Variants in TLR2 observed in about 807,000 individuals in gnomAD.
TLR2 encodes toll-like receptor 2.
A neutral mutation model predicts 9.1 loss-of-function variants in TLR2; 7 were observed. The observed-to-expected ratio is 0.77, with a 90% CI of 0.44 to 1.44. TLR2 has a LOEUF of 1.44. Among genes scored for constraint, TLR2 ranks in the 40% most tolerant of loss-of-function variants. The pLI, the probability that TLR2 is intolerant of heterozygous loss-of-function variation, is 0.01. For synonymous variants in TLR2, 317 were observed against 344.6 expected (o/e 0.92, Z 0.89); for missense variants, 812 against 904.6 (o/e 0.90, Z 1.31).
chr4:153,700,761 T>C (rs1560746824), intron 2 of TLR2, among the ~76,000 whole-genome samples: 1 of 152,214 alleles, frequency 6.6e-6, no homozygotes, highest in Non-Finnish European at 1.5e-5. Flanking sequence ...ATATTATACA[T>C]TTAATATAGT....
At chr4:153,695,735 C>T (rs982074414) in intron 2 of TLR2, among the ~76,000 whole-genome samples, 12 of 152,268 alleles carry the variant, frequency 7.9e-5, no homozygotes, top group African/African-American at 2.9e-4. Context: ...TGGGGTATGA[C>T]TTAAGAAATC....
intron 2 of TLR2, among the ~76,000 whole-genome samples, chr4:153,695,938 C>G (rs992395027): frequency 3.3e-5 from 5 of 152,136 alleles, no homozygotes; most frequent in Non-Finnish European, 7.4e-5. Flanking sequence ...ACTGTCCTTT[C>G]TGCAATGTAT....
At chr4:153,684,521 G>T (rs1735535834) in intron 1 of TLR2, among the ~76,000 whole-genome samples, 161 bp downstream of exon 1, 3 of 152,242 alleles carry the variant, frequency 2.0e-5, no homozygotes, top group Admixed American at 2.0e-4. Flanking sequence ...GGCGGGGATA[G>T]CGGGAAGCGC....
intron 1 of TLR2, among the ~76,000 whole-genome samples, chr4:153,686,371 TA>T (rs1209969555): frequency 1.1e-4 from 17 of 152,208 alleles, no homozygotes; most frequent in Admixed American, 1.1e-3. Context: ...GTAATTATAT[TA>T]AATGCAATTT....
chr4:153,704,275 C>A lies in TLR2; in HGVS notation c.1368C>A (p.Pro456=), dbSNP rs751701671. 73 of 1,613,954 alleles carry A rather than the reference C, an allele frequency of 4.5e-5. 1 individual carries two copies. In the South Asian group the frequency reaches 7.9e-4, roughly 17 times the overall value. ...TRIHSVTGCI[P]KTLEILDVSN... ...TACACAGTGTAACAGGCTGCATTCC[C>A]AAGACACTGGAAATTTTAGATGTTA... The change falls in exon 3 of 3, where the codon CCC becomes CCA. Residue 456 remains proline, a synonymous_variant. Coordinates refer to ENST00000642700, the MANE Select transcript of TLR2 (RefSeq NM_001318789.2).
chr4:153,705,423 T>C lies in TLR2; in HGVS notation c.*161T>C. ...AAACTTCAAATTTTGTCTGGGGTGC[T>C]GTTTTATAAACATATGCCAGATTTA... On this transcript the variant is annotated 3_prime_UTR_variant, in exon 3 of 3. Coordinates refer to ENST00000642700, the MANE Select transcript of TLR2 (RefSeq NM_001318789.2). The C allele has an allele frequency of 2.6e-6, 2 of 778,944 alleles. No homozygotes were observed. The highest frequency in any genetic ancestry group is 3.8e-6 in the Non-Finnish European group (2 of 521,000). 48.3% of individuals were successfully genotyped at this position (778,944 alleles called of 1,614,324 possible).
intron 2 of TLR2, among the ~76,000 whole-genome samples, chr4:153,692,298 T>G (rs921216717): frequency 6.6e-6 from 1 of 152,226 alleles, no homozygotes; most frequent in African/African-American, 2.4e-5. Context: ...TAATGGCTCT[T>G]AAGTCAGTTA....
intron 2 of TLR2, among the ~76,000 whole-genome samples, chr4:153,693,911 G>C (rs1378478205): frequency 6.6e-6 from 1 of 152,140 alleles, no homozygotes; most frequent in South Asian, 2.1e-4. Flanking sequence ...CCCACGTTGG[G>C]CGCCACTTGC....
Position 153,702,939 on chromosome 4 carries a change from T to TG in TLR2, c.37dup (p.Val13GlyfsTer19). ...CATACTTTGTGGATGGTGTGGGTCT[T>TG]GGGGGTCATCATCAGCCTCTCCAAG... On this transcript the variant is annotated frameshift_variant, in exon 3 of 3. Transcript: ENST00000642700. LOFTEE classifies it low-confidence loss of function (END_TRUNC). 1 of 1,602,202 alleles carries TG rather than the reference T, an allele frequency of 6.2e-7. No individual in the cohort carries two copies. Among genetic ancestry groups the TG allele is most frequent in the Non-Finnish European group, 8.5e-7 (1 of 1,174,016 alleles).
intron 2 of TLR2, among the ~76,000 whole-genome samples, chr4:153,693,485 G>A (rs1259207528): frequency 6.6e-6 from 1 of 152,152 alleles, no homozygotes; most frequent in Non-Finnish European, 1.5e-5. Flanking sequence ...ATAGAACTGA[G>A]AGTGGTCGCT....
chr4:153,710,517 A>G (rs773426272), downstream of TLR2: 15 of 1,602,400 alleles, frequency 9.4e-6, no homozygotes, highest in South Asian at 1.5e-4. Flanking sequence ...AGGTTGTTCT[A>G]TATACAGCCA....
intron 1 of TLR2, among the ~76,000 whole-genome samples, chr4:153,686,034 G>A (rs763501991): frequency 9.9e-5 from 15 of 152,218 alleles, no homozygotes; most frequent in Non-Finnish European, 1.9e-4. Flanking sequence ...GAGAGAGCAA[G>A]AGAGGACAGA....
At chr4:153,694,598 A>T (rs752218357) in intron 2 of TLR2, among the ~76,000 whole-genome samples, 1 of 152,202 alleles carries the variant, frequency 6.6e-6, no homozygotes, top group Admixed American at 6.5e-5. Context: ...AGATATTTTG[A>T]TACAGGCATA....
intron 2 of TLR2, among the ~76,000 whole-genome samples, chr4:153,698,467 A>C (rs1472189040): frequency 6.6e-6 from 1 of 152,172 alleles, no homozygotes; most frequent in African/African-American, 2.4e-5. Context: ...TTTAGTGTTA[A>C]ATGTGGCCTC....
chr4:153,697,975 C>T (rs577484218), intron 2 of TLR2, among the ~76,000 whole-genome samples: 1 of 152,242 alleles, frequency 6.6e-6, no homozygotes, highest in African/African-American at 2.4e-5. Context: ...ATATCTTTAA[C>T]CAAGTCCATT....
chr4:153,702,718 C>A (rs945344853), intron 2 of TLR2, 174 bp from the exon 3 acceptor site: 1 of 599,620 alleles, frequency 1.7e-6, no homozygotes, highest in Non-Finnish European at 2.8e-6. Context: ...TTTTTTTATC[C>A]CCATTCATTC....
At chr4:153,698,596 T>TA (rs369524575) in intron 2 of TLR2, among the ~76,000 whole-genome samples, 4 of 152,312 alleles carry the variant, frequency 2.6e-5, no homozygotes, top group African/African-American at 9.6e-5. Context: ...ATATTGGTGT[T>TA]ATGACTGTTC....
rs759931199 is a variant in TLR2 at position 153,705,082 on chromosome 4, T to G, written c.2175T>G (p.Phe725Leu). The G allele has an allele frequency of 4.3e-6, 7 of 1,614,136 alleles. No homozygotes were observed. Among genetic ancestry groups the G allele is most frequent in the Non-Finnish European group, 5.9e-6 (7 of 1,180,016 alleles). ...YELDFSHFRL[F>L]DENNDAAILI... ...TGGACTTCTCCCATTTCCGTCTTTT[T>G]GATGAGAACAATGATGCTGCCATTC... The change falls in exon 3 of 3, where the codon TTT becomes TTG. Residue 725 changes from phenylalanine to leucine, a missense_variant. Physicochemically the swap from Phe to Leu is conservative, Grantham distance 22 (BLOSUM62 0). Transcript: ENST00000642700.
chr4:153,707,415 T>G (rs1192532165), downstream of TLR2, among the ~76,000 whole-genome samples: 1 of 152,092 alleles, frequency 6.6e-6, no homozygotes, highest in Non-Finnish European at 1.5e-5. Context: ...CAGGGCATGG[T>G]GGCATGTGCC....
Sources: gnomAD v4.1 joint callset for allele counts (sites outside exome capture counted in the v4.1 genomes callset) on GRCh38, gnomAD v4.1.1 for gene constraint, MANE v1.5 for transcripts, NCBI Gene and HGNC (gene_info 2026-07-23, HGNC 2026-07-21) for gene names.